Variants in RBM47 observed in about 807,000 individuals in gnomAD.
The protein encoded by RBM47 is RNA-binding protein 47.
RBM47 carries 21 observed loss-of-function variants against 47.1 expected under a neutral mutation model. The observed-to-expected ratio is 0.45, with a 90% CI of 0.32 to 0.64. RBM47 has a LOEUF of 0.64. Ranked by LOEUF, RBM47 falls within the 30% of genes least tolerant of loss-of-function variation. The pLI is 0.05. For synonymous variants in RBM47, 375 were observed against 361.7 expected (o/e 1.04, Z -0.42); for missense variants, 708 against 870.9 (o/e 0.81, Z 2.35).
At chr4:40,599,529 C>T (rs889684839) in intron 1 of RBM47, among the ~76,000 whole-genome samples, 1 of 152,102 alleles carries the variant, frequency 6.6e-6, no homozygotes, top group Non-Finnish European at 1.5e-5. Context: ...AAGTGACACT[C>T]TTCCAGCTTC....
At chr4:40,596,456 C>G (rs1464437789) in intron 1 of RBM47, among the ~76,000 whole-genome samples, 2 of 152,090 alleles carry the variant, frequency 1.3e-5, no homozygotes, top group Non-Finnish European at 2.9e-5. Flanking sequence ...GCCTATGCTA[C>G]ACAAGAGGTT....
At chr4:40,435,425 T>A (rs905208994) in intron 5 of RBM47, among the ~76,000 whole-genome samples, 3 of 152,098 alleles carry the variant, frequency 2.0e-5, no homozygotes, top group Non-Finnish European at 2.9e-5. Context: ...GGTGCGCGCC[T>A]GTAGTTCCAG....
intron 3 of RBM47, among the ~76,000 whole-genome samples, chr4:40,464,891 A>AAAAG (rs1717770414): frequency 2.4e-5 from 1 of 41,830 alleles, no homozygotes; most frequent in Non-Finnish European, 5.5e-5. Context: ...ACTCTGTCTC[A>AAAAG]AAAAAAAAAA....
intron 1 of RBM47, among the ~76,000 whole-genome samples, chr4:40,604,972 C>T (rs540197849): frequency 1.3e-5 from 2 of 151,898 alleles, no homozygotes; most frequent in South Asian, 4.2e-4. Flanking sequence ...ACCTCAGCCT[C>T]CCAAAGTGCT....
intron 1 of RBM47, among the ~76,000 whole-genome samples, chr4:40,609,674 G>A (rs1226466291): frequency 6.6e-6 from 1 of 151,838 alleles, no homozygotes; most frequent in African/African-American, 2.4e-5. Context: ...TATATGCTTT[G>A]CGCATGAGAC....
chr4:40,428,744 C>T (rs1347348389), intron 6 of RBM47, among the ~76,000 whole-genome samples: 2 of 152,146 alleles, frequency 1.3e-5, no homozygotes, highest in Admixed American at 6.5e-5. Flanking sequence ...AAACCCATGG[C>T]TTCTCTTTTC....
chr4:40,531,228 G>A (rs1323908922), intron 2 of RBM47, among the ~76,000 whole-genome samples: 1 of 152,232 alleles, frequency 6.6e-6, no homozygotes, highest in East Asian at 1.9e-4. Flanking sequence ...GAGAAGGAAG[G>A]AGTTGAGGTG....
intron 2 of RBM47, among the ~76,000 whole-genome samples, chr4:40,533,400 C>A (rs1370139822): frequency 1.3e-5 from 2 of 149,056 alleles, no homozygotes; most frequent in African/African-American, 5.0e-5. Context: ...CACCACTGCA[C>A]TCCAGCCTGG....
At chr4:40,495,634 C>T (rs891597533) in intron 2 of RBM47, among the ~76,000 whole-genome samples, 1 of 151,938 alleles carries the variant, frequency 6.6e-6, no homozygotes, top group Admixed American at 6.6e-5. Flanking sequence ...TAGGTTATGA[C>T]TCGTTCCCTG....
Position 40,423,704 on chromosome 4 carries a change from CTTTCTTTCTTTT to C in RBM47, c.*2188_*2199del, listed in dbSNP as rs1714673010. 8.8e-5 allele frequency: 4 copies of C among 45,540 alleles called. No homozygotes were observed. The highest frequency in any genetic ancestry group is 1.7e-4 in the Non-Finnish European group (4 of 22,918). 2.8% of individuals were successfully genotyped at this position (45,540 alleles called of 1,614,324 possible). A position where few individuals can be genotyped will look rare whatever the true frequency, so the allele number is the denominator to read the frequency against. ...TCTTTCTTTCTTTCTTTCTTTCTTT[CTTTCTTTCTTTT>C]CTTTCTTTTCTTTCTTCCTCTTCTT... On this transcript the variant is annotated 3_prime_UTR_variant, in exon 7 of 7. Transcript: ENST00000295971.
intron 1 of RBM47, among the ~76,000 whole-genome samples, chr4:40,564,315 C>T (rs1022629894): frequency 3.3e-5 from 5 of 152,178 alleles, no homozygotes; most frequent in African/African-American, 1.2e-4. Context: ...CAACCTTGGC[C>T]ATCATATGAT....
chr4:40,502,100 C>A (rs1723452004), intron 2 of RBM47: 1 of 154,224 alleles, frequency 6.5e-6, no homozygotes, highest in Non-Finnish European at 1.5e-5. Flanking sequence ...TGGTCTAGAA[C>A]CTCCATACAA....
At chr4:40,605,052 CGCTCTTG>C (rs1393063276) in intron 1 of RBM47, among the ~76,000 whole-genome samples, 1 of 151,414 alleles carries the variant, frequency 6.6e-6, no homozygotes, top group Non-Finnish European at 1.5e-5. Flanking sequence ...TAAGGAGTTT[CGCTCTTG>C]TTGCCCCGAC....
chr4:40,576,546 A>T (rs1732356418), intron 1 of RBM47, among the ~76,000 whole-genome samples: 2 of 152,092 alleles, frequency 1.3e-5, no homozygotes, highest in Non-Finnish European at 2.9e-5. Context: ...ACATACTAAC[A>T]TCACAATGAG....
At chr4:40,609,156 C>A (rs1736026830) in intron 1 of RBM47, among the ~76,000 whole-genome samples, 1 of 151,970 alleles carries the variant, frequency 6.6e-6, no homozygotes, top group South Asian at 2.1e-4. Context: ...CCACGTCCAG[C>A]TATTTTTTTG....
intron 1 of RBM47, among the ~76,000 whole-genome samples, chr4:40,589,642 T>C (rs552868886): frequency 3.0e-4 from 45 of 152,322 alleles, no homozygotes; most frequent in African/African-American, 1.0e-3. Context: ...TTTCACCATG[T>C]TGGCTAGGCT....
chr4:40,568,189 G>GAT (rs1731272147), intron 1 of RBM47, among the ~76,000 whole-genome samples: 1 of 151,760 alleles, frequency 6.6e-6, no homozygotes, highest in Non-Finnish European at 1.5e-5. Flanking sequence ...ACTTTGGGAG[G>GAT]CGAAGGCAGG....
chr4:40,613,114 T>C (rs1241298318), intron 1 of RBM47, among the ~76,000 whole-genome samples: 7 of 152,206 alleles, frequency 4.6e-5, no homozygotes, highest in Non-Finnish European at 1.0e-4. Flanking sequence ...TACACCAGCA[T>C]GTGTTCATTT....
chr4:40,605,461 C>G (rs889544510), intron 1 of RBM47, among the ~76,000 whole-genome samples: 6 of 152,248 alleles, frequency 3.9e-5, no homozygotes, highest in African/African-American at 1.4e-4. Flanking sequence ...ATACCACACA[C>G]TGCTGCTTTT....
Sources: allele counts gnomAD v4.1 joint callset (sites outside exome capture counted in the v4.1 genomes callset), GRCh38; gene constraint gnomAD v4.1.1; transcripts MANE v1.5; gene names NCBI Gene and HGNC (gene_info 2026-07-23, HGNC 2026-07-21).